Variants in RIOK1 observed in about 807,000 individuals in gnomAD.
RIOK1 encodes the protein serine/threonine-protein kinase RIO1.
Under a neutral mutation model 73.5 loss-of-function variants are expected in RIOK1, and 66 were observed. The observed-to-expected ratio is 0.90, with a 90% CI of 0.74 to 1.10. The LOEUF is 1.10. RIOK1 is among the 50% of genes least tolerant of loss of function. The pLI is 0.00. For missense variants in RIOK1, 658 were observed against 699.8 expected (o/e 0.94, Z 0.67); for synonymous variants, 224 against 226.8 (o/e 0.99, Z 0.11).
At chr6:7,399,309 C>T (rs904072591) in intron 5 of RIOK1, among the ~76,000 whole-genome samples, 3 of 152,168 alleles carry the variant, frequency 2.0e-5, no homozygotes, top group African/African-American at 2.4e-5. Flanking sequence ...CTGCCACCTA[C>T]CACTCCTTTC....
At chr6:7,405,397 A>G (rs1281777678) in intron 12 of RIOK1, 42 bp downstream of exon 12, 1 of 1,151,220 alleles carries the variant, frequency 8.7e-7, no homozygotes, top group Non-Finnish European at 1.3e-6. Context: ...ATAGCAGTAC[A>G]GGTGCAGTAT....
At position 7,404,966 on chromosome 6, in the gene RIOK1, G is replaced by T. The variant is rs777914207; in HGVS notation, c.1041G>T (p.Glu347Asp). The T allele has an allele frequency of 1.9e-6, 3 of 1,614,168 alleles. No homozygotes were observed. The South Asian group carries it at 3.3e-5, about 18-fold the overall frequency. ...VYIIDVSQSV[E>D]HDHPHALEFL... ...TCATTGACGTGTCTCAGTCCGTGGA[G>T]CACGACCACCCACATGCCTTGGAGT... The change falls in exon 11 of 17, where the codon GAG becomes GAT. Residue 347 changes from glutamate to aspartate, a missense_variant. Physicochemically the swap from Glu to Asp is conservative, Grantham distance 45 (BLOSUM62 2). Transcript: ENST00000379834.
intron 12 of RIOK1, among the ~76,000 whole-genome samples, chr6:7,407,608 T>C (rs1160960829): frequency 6.6e-6 from 1 of 152,110 alleles, no homozygotes; most frequent in Admixed American, 6.6e-5. Flanking sequence ...CCTCAGCTGC[T>C]TCAGCCTGCT....
At chr6:7,393,895 G>A (rs889032688) in intron 2 of RIOK1, among the ~76,000 whole-genome samples, 1 of 152,152 alleles carries the variant, frequency 6.6e-6, no homozygotes, top group East Asian at 1.9e-4. Flanking sequence ...ACCTGCTATG[G>A]GACTGATTCG....
intron 12 of RIOK1, among the ~76,000 whole-genome samples, chr6:7,406,407 A>T (rs1761747694): frequency 6.6e-6 from 1 of 152,210 alleles, no homozygotes; most frequent in Non-Finnish European, 1.5e-5. Flanking sequence ...AAGTACATTC[A>T]CATTGTGGTA....
chr6:7,406,924 A>G (rs1761761478), intron 12 of RIOK1, among the ~76,000 whole-genome samples: 1 of 152,244 alleles, frequency 6.6e-6, no homozygotes, highest in Non-Finnish European at 1.5e-5. Context: ...GGCCTCCCGA[A>G]GTGCTGGGAT....
At chr6:7,394,689 T>C (rs1403121671) in intron 2 of RIOK1, among the ~76,000 whole-genome samples, 3 of 152,294 alleles carry the variant, frequency 2.0e-5, no homozygotes, top group African/African-American at 7.2e-5. Context: ...TGAACCAGCT[T>C]AATGCTGGTC....
chr6:7,391,345 G>A (rs1761335591), intron 1 of RIOK1, among the ~76,000 whole-genome samples: 1 of 152,110 alleles, frequency 6.6e-6, no homozygotes, highest in African/African-American at 2.4e-5. Context: ...TATTCGAATT[G>A]GGTAAGTAGT....
intron 16 of RIOK1, among the ~76,000 whole-genome samples, 159 bp downstream of exon 16, chr6:7,414,549 G>A (rs1761955670): frequency 1.3e-5 from 2 of 152,132 alleles, no homozygotes; most frequent in African/African-American, 2.4e-5. Context: ...TTGACTTTTG[G>A]TGGTAACATT....
chr6:7,414,009 G>T (rs936253448), intron 15 of RIOK1, among the ~76,000 whole-genome samples: 7 of 152,182 alleles, frequency 4.6e-5, no homozygotes, highest in Admixed American at 2.0e-4. Flanking sequence ...ACGCAGTAAA[G>T]CCCTGGTTCC....
At chr6:7,416,942 TATAATC>T (rs1044963052) in intron 16 of RIOK1, among the ~76,000 whole-genome samples, 2 of 151,814 alleles carry the variant, frequency 1.3e-5, no homozygotes, top group Admixed American at 6.6e-5. Flanking sequence ...TTTATTTAGT[TATAATC>T]ATAATAATAC....
intron 8 of RIOK1, among the ~76,000 whole-genome samples, 173 bp downstream of exon 8, chr6:7,403,070 A>G (rs1761653469): frequency 6.6e-6 from 1 of 152,166 alleles, no homozygotes; most frequent in Non-Finnish European, 1.5e-5. Context: ...ACAAATAGAG[A>G]TTGTTTCCTA....
At chr6:7,395,738 C>T (rs540999328) in intron 3 of RIOK1, among the ~76,000 whole-genome samples, 71 of 149,748 alleles carry the variant, frequency 4.7e-4, no homozygotes, top group African/African-American at 1.7e-3. Context: ...GAGACAGGGT[C>T]TCACTCTGTC....
chr6:7,393,219 C>CATAAACCTGTAAGGACAAATGAAA lies in RIOK1; in HGVS notation c.192_193insATAAACCTGTAAGGACAAATGAAA (p.Asp64_Asp65insIleAsnLeuTer). ...AAGATGAGGAGGAGGAGGGTTATGA[C>CATAAACCTGTAAGGACAAATGAAA]GATGATGATGATGACTGGGACTGGG... On this transcript the variant is annotated stop_gained and inframe_insertion, in exon 2 of 17. Coordinates refer to ENST00000379834, the MANE Select transcript of RIOK1 (RefSeq NM_031480.3). LOFTEE classifies it high-confidence loss of function. The CATAAACCTGTAAGGACAAATGAAA allele has an allele frequency of 6.3e-7, 1 of 1,595,518 alleles. No individual in the cohort carries two copies. The highest frequency in any genetic ancestry group is 8.6e-7 in the Non-Finnish European group (1 of 1,165,636).
chr6:7,397,801 A>G (rs1349299248), intron 4 of RIOK1, among the ~76,000 whole-genome samples: 1 of 152,216 alleles, frequency 6.6e-6, no homozygotes, highest in African/African-American at 2.4e-5. Context: ...GTGTATAAGC[A>G]GAAGCAAATC....
At chr6:7,404,142 A>G in intron 9 of RIOK1, 115 bp downstream of exon 9, 1 of 805,784 alleles carries the variant, frequency 1.2e-6, no homozygotes, top group Non-Finnish European at 2.1e-6. Flanking sequence ...CTTTCCCACT[A>G]TATTAGTGAA....
At chr6:7,409,939 T>C (rs1761847441) in intron 12 of RIOK1, among the ~76,000 whole-genome samples, 1 of 152,214 alleles carries the variant, frequency 6.6e-6, no homozygotes, top group Admixed American at 6.5e-5. Context: ...TCAGAGAGCT[T>C]TCTTCAGTGC....
chr6:7,413,299 T>C (rs1367854010), intron 15 of RIOK1, among the ~76,000 whole-genome samples: 1 of 152,234 alleles, frequency 6.6e-6, no homozygotes, highest in East Asian at 1.9e-4. Context: ...AGGAGAACTT[T>C]GGAATGTAGT....
Position 7,403,970 on chromosome 6 carries a change from A to T in RIOK1, c.797A>T (p.Glu266Val), listed in dbSNP as rs1380701115. ...AACACAGCAGAGATACCATGTCCAG[A>T]ACCAATAATGCTAAGAAGTCATGTT... The part of the protein sequence containing the change: ...RLNTAEIPCP[E>V]PIMLRSHVLV... The change falls in exon 9 of 17, where the codon GAA becomes GTA. Residue 266 changes from glutamate to valine, a missense_variant. Transcript: ENST00000379834. 1.1e-5 allele frequency: 18 copies of T among 1,612,662 alleles called. No homozygotes were observed. The highest frequency in any genetic ancestry group is 1.5e-5 in the Non-Finnish European group (18 of 1,179,168).
Sources: gnomAD v4.1 joint callset for allele counts (sites outside exome capture counted in the v4.1 genomes callset) on GRCh38, gnomAD v4.1.1 for gene constraint, MANE v1.5 for transcripts, NCBI Gene and HGNC (gene_info 2026-07-23, HGNC 2026-07-21) for gene names.